The following EFHC2 variants were observed in gnomAD, a reference collection of about 807,000 sequenced individuals.
The protein encoded by EFHC2 is EF-hand domain-containing family member C2.
Under a neutral mutation model 52.7 loss-of-function variants are expected in EFHC2, and 18 were observed. The ratio of observed to expected loss-of-function variants is 0.34; its 90% confidence interval spans 0.24 to 0.51. The LOEUF is 0.51. Among genes scored for constraint, EFHC2 ranks in the 20% least tolerant of loss-of-function variants. EFHC2 has a pLI of 0.97. For synonymous variants in EFHC2, 203 were observed against 204.1 expected (o/e 0.99, Z 0.04); for missense variants, 513 against 562.5 (o/e 0.91, Z 0.89).
chrX:44,281,092 G>A (rs964387193), intron 2 of EFHC2, among the ~76,000 whole-genome samples: 1 of 110,886 alleles, frequency 9.0e-6, no homozygotes, highest in South Asian at 3.8e-4. Context: ...GCTAATTTTT[G>A]TATTTTTAGT....
Position 44,198,199 on chromosome X carries a change from C to A in EFHC2, c.1752-19635G>T, listed in dbSNP as rs769825575. 3.6e-5 allele frequency among the ~76,000 whole-genome samples: 4 copies of A among 111,282 alleles called. No homozygotes were observed. In the East Asian group the frequency reaches 1.1e-3, roughly 31 times the overall value. On this transcript the variant is annotated intron_variant, in intron 11 of 14. Coordinates refer to ENST00000420999, the MANE Select transcript of EFHC2 (RefSeq NM_025184.4). ...TAAAACCCCAGAAAAAGAGTTGGTC[C>A]TTTTTCCACTCTTTAGAAACATAAG...
In EFHC2 at chrX:44,261,907, C is replaced by T. The variant is rs780916327; in HGVS notation, c.383-609G>A. 2.0e-4 allele frequency among the ~76,000 whole-genome samples: 22 copies of T among 110,427 alleles called. No homozygotes were observed. In the South Asian group the frequency reaches 7.0e-3, roughly 35 times the overall value. On this transcript the variant is annotated intron_variant, in intron 3 of 14. Coordinates refer to ENST00000420999, the MANE Select transcript of EFHC2 (RefSeq NM_025184.4). ...ATCAACCTATTTTTCCTCCTCCTTC[C>T]TCTATAGCCTCTGTCCACCTCCACC... is the stretch of plus-strand genomic sequence containing the variant.
chrX:44,153,445 G>A (rs2036584704), intron 14 of EFHC2, among the ~76,000 whole-genome samples: 1 of 111,479 alleles, frequency 9.0e-6, no homozygotes, highest in Non-Finnish European at 1.9e-5. Context: ...GTTCCAGATG[G>A]GAATGACTTT....
At chrX:44,250,034 C>T (rs779753711) in intron 5 of EFHC2, among the ~76,000 whole-genome samples, 160 bp downstream of exon 5, 1 of 112,682 alleles carries the variant, frequency 8.9e-6, no homozygotes, top group African/African-American at 3.2e-5. Flanking sequence ...GTATTACTTT[C>T]ACAGATGTGT....
rs2036536314 is a variant in EFHC2 at position 44,148,142 on chromosome X, T to C, written c.*653A>G. 1 of 110,851 alleles carries C rather than the reference T, an allele frequency of 9.0e-6. No homozygotes were observed. Among genetic ancestry groups the C allele is most frequent in the African/African-American group, 3.3e-5 (1 of 30,477 alleles). The allele number at this position is 110,851 out of a possible 1,213,427, so 9.1% of individuals were successfully genotyped here. A position where few individuals can be genotyped will look rare whatever the true frequency, so the allele number is the denominator to read the frequency against. ...AACTATAATTATACACACATGCATATATTCCTAAGCTAACAAGCTGACTTT... is the reference window on the plus strand; with the variant it reads ...AACTATAATTATACACACATGCATACATTCCTAAGCTAACAAGCTGACTTT... On this transcript the variant is annotated 3_prime_UTR_variant, in exon 15 of 15. Transcript: ENST00000420999.
At position 44,235,409 on chromosome X, in the gene EFHC2, T is replaced by C; in HGVS notation, c.1319A>G (p.Lys440Arg). ...GTCAACACATTTGTCTGTGACTAGT[T>C]TTGCAAAAAAACGGAGTATATTGCT... ...SKSNILRFFA[K>R]LVTDKCVDLD... Residue 440 changes from lysine (K) to arginine (R), a missense_variant, in exon 9 of 15, where the codon AAA becomes AGA. Transcript: ENST00000420999. 1 of 1,196,834 alleles carries C rather than the reference T, an allele frequency of 8.4e-7. No homozygotes were observed. Among genetic ancestry groups the C allele is most frequent in the Non-Finnish European group, 1.1e-6 (1 of 888,060 alleles).
chrX:44,167,966 C>CA (rs1286076570), intron 13 of EFHC2, among the ~76,000 whole-genome samples: 1 of 111,607 alleles, frequency 9.0e-6, no homozygotes, highest in African/African-American at 3.3e-5. Context: ...TTATAACCCA[C>CA]AATGACAAAG....
intron 3 of EFHC2, among the ~76,000 whole-genome samples, chrX:44,268,341 T>C (rs1205849700): frequency 1.8e-5 from 2 of 111,626 alleles, no homozygotes; most frequent in African/African-American, 6.5e-5. Flanking sequence ...AATTGAGAAG[T>C]CTTAATAAAA....
chrX:44,317,897 A>G (rs1457866063), intron 1 of EFHC2, among the ~76,000 whole-genome samples: 1 of 112,783 alleles, frequency 8.9e-6, no homozygotes, highest in Non-Finnish European at 1.9e-5. Flanking sequence ...GGATGTGGAG[A>G]CATTGGAACT....
intron 2 of EFHC2, among the ~76,000 whole-genome samples, chrX:44,279,522 A>G (rs1569299681): frequency 8.9e-6 from 1 of 111,935 alleles, no homozygotes; most frequent in East Asian, 2.8e-4. Context: ...GAAAAATATA[A>G]ATAAAATGAG....
chrX:44,287,400 T>C (rs2037760422), intron 2 of EFHC2, among the ~76,000 whole-genome samples: 1 of 112,027 alleles, frequency 8.9e-6, no homozygotes, highest in Admixed American at 9.5e-5. Context: ...GTTTCTAACA[T>C]GCAGGAGAGA....
chrX:44,271,318 G>A (rs1023292647), intron 3 of EFHC2, among the ~76,000 whole-genome samples: 1 of 111,779 alleles, frequency 8.9e-6, no homozygotes, highest in African/African-American at 3.3e-5. Context: ...GGGTAGCTTA[G>A]GTGAGGATGG....
At chrX:44,280,212 C>G (rs1371935326) in intron 2 of EFHC2, among the ~76,000 whole-genome samples, 1 of 110,456 alleles carries the variant, frequency 9.1e-6, no homozygotes, top group East Asian at 2.8e-4. Context: ...AAGTAAAATA[C>G]AAGCAAACAG....
chrX:44,272,930 TA>T, intron 2 of EFHC2, 94 bp from the exon 3 acceptor site: 3 of 792,233 alleles, frequency 3.8e-6, no homozygotes, highest in Non-Finnish European at 5.3e-6. Flanking sequence ...TTTGTTAATA[TA>T]AAGAAAAAAG....
At chrX:44,310,424 T>G in intron 2 of EFHC2, 1 of 983,469 alleles carries the variant, frequency 1.0e-6, no homozygotes, top group Non-Finnish European at 1.4e-6. Context: ...CGGCGAGAGC[T>G]GCAGCTGCTG....
At chrX:44,302,339 G>A (rs2037874794) in intron 2 of EFHC2, among the ~76,000 whole-genome samples, 1 of 112,098 alleles carries the variant, frequency 8.9e-6, no homozygotes, top group African/African-American at 3.2e-5. Flanking sequence ...TTAAAATGTT[G>A]TCAAATAGCT....
chrX:44,185,486 T>G (rs979259355), intron 11 of EFHC2, among the ~76,000 whole-genome samples: 2 of 111,352 alleles, frequency 1.8e-5, no homozygotes, highest in East Asian at 5.6e-4. Context: ...TCCTCTAATT[T>G]CTGTCAAGTT....
At chrX:44,163,380 C>T (rs2036671952) in intron 14 of EFHC2, among the ~76,000 whole-genome samples, 1 of 111,994 alleles carries the variant, frequency 8.9e-6, no homozygotes, top group Non-Finnish European at 1.9e-5. Context: ...CAGACAATTC[C>T]ACAATGTTGA....
At chrX:44,180,165 C>T (rs1307423729) in intron 11 of EFHC2, among the ~76,000 whole-genome samples, 1 of 112,327 alleles carries the variant, frequency 8.9e-6, no homozygotes, top group African/African-American at 3.2e-5. Flanking sequence ...GAGTGGGGCT[C>T]AGTCAGGAAA....
Sources: gnomAD v4.1 joint callset for allele counts (sites outside exome capture counted in the v4.1 genomes callset) on GRCh38, gnomAD v4.1.1 for gene constraint, MANE v1.5 for transcripts, NCBI Gene and HGNC (gene_info 2026-07-23, HGNC 2026-07-21) for gene names.